Variants in CLVS2 observed in about 807,000 individuals in gnomAD.
The protein encoded by CLVS2 is clavesin-2.
In CLVS2, 19 loss-of-function variants were observed where a neutral mutation model predicts 29.0. The observed-to-expected ratio is 0.66, with a 90% CI of 0.46 to 0.96. The LOEUF (loss-of-function observed/expected upper bound fraction) is 0.96. Ranked by LOEUF, CLVS2 falls within the 40% of genes least tolerant of loss-of-function variation. The probability of loss-of-function intolerance (pLI) is 0.00; values close to 1 mark genes in which losing one functional copy is unlikely to be tolerated. For synonymous variants in CLVS2, 161 were observed against 151.3 expected, an observed-to-expected ratio of 1.06 and a Z score of -0.47; for missense variants, 294 against 404.1, an observed-to-expected ratio of 0.73 and a Z score of 2.34.
At chr6:123,056,407 C>G (rs1772693953) in intron 5 of CLVS2, among the ~76,000 whole-genome samples, 2 of 152,162 alleles carry the variant, frequency 1.3e-5, no homozygotes, top group African/African-American at 2.4e-5. Flanking sequence ...TGCTTGGTAA[C>G]CACCATTCTA....
intron 3 of CLVS2, among the ~76,000 whole-genome samples, chr6:123,024,199 C>T (rs1774965626): frequency 6.6e-6 from 1 of 152,070 alleles, no homozygotes; most frequent in Non-Finnish European, 1.5e-5. Flanking sequence ...GGTAGTTTTT[C>T]CCTTAGAAGT....
intron 3 of CLVS2, among the ~76,000 whole-genome samples, chr6:123,033,651 G>T (rs1775112174): frequency 6.6e-6 from 1 of 151,850 alleles, no homozygotes; most frequent in African/African-American, 2.4e-5. Context: ...ATCTATGGCT[G>T]GGCAAAGAGT....
rs1385792079 is a variant in CLVS2, at chr6:123,071,338, G to T, written c.*7577G>T. Reference sequence around the variant, plus strand: ...TACCCTCTCATGATAATAGAATCATGAATCAAAAATGATATCCTCTTCTCC... The same window carrying T: ...TACCCTCTCATGATAATAGAATCATTAATCAAAAATGATATCCTCTTCTCC... On this transcript the variant is annotated 3_prime_UTR_variant, in exon 6 of 6. Coordinates refer to ENST00000275162, the MANE Select transcript of CLVS2 (RefSeq NM_001010852.4). 1 of 151,970 alleles carries T rather than the reference G, an allele frequency of 6.6e-6. No homozygotes were observed. Among genetic ancestry groups the T allele is most frequent in the African/African-American group, 2.4e-5 (1 of 41,408 alleles). The allele number at this position is 151,970 out of a possible 1,614,324, so 9.4% of individuals were successfully genotyped here. A position where few individuals can be genotyped will look rare whatever the true frequency, so the allele number is the denominator to read the frequency against.
At chr6:123,021,449 T>C (rs979225658) in intron 3 of CLVS2, among the ~76,000 whole-genome samples, 2 of 152,176 alleles carry the variant, frequency 1.3e-5, no homozygotes, top group Admixed American at 6.6e-5. Context: ...TTATTATTTT[T>C]TCCTCTGATT....
intron 3 of CLVS2, among the ~76,000 whole-genome samples, chr6:123,022,860 C>T (rs1373397426): frequency 6.6e-6 from 1 of 152,034 alleles, no homozygotes; most frequent in Non-Finnish European, 1.5e-5. Context: ...GCACATTCTG[C>T]CTCACATAGA....
chr6:123,040,414 T>C (rs573156584), intron 3 of CLVS2, among the ~76,000 whole-genome samples: 123 of 152,296 alleles, frequency 8.1e-4, no homozygotes, highest in Non-Finnish European at 1.4e-3. Context: ...TGTTATAGAT[T>C]ATTTCAGTAC....
At position 123,066,068 on chromosome 6, in the gene CLVS2, A is replaced by C. The variant is rs751242654; in HGVS notation, c.*2307A>C. 1 of 151,768 alleles carries C rather than the reference A, an allele frequency of 6.6e-6. No homozygotes were observed. The highest frequency in any genetic ancestry group is 1.5e-5 in the Non-Finnish European group (1 of 67,752). 9.4% of individuals were successfully genotyped at this position (151,768 alleles called of 1,614,324 possible). On this transcript the variant is annotated 3_prime_UTR_variant, in exon 6 of 6. Transcript: ENST00000275162. ...TAAAATATTTTAAAATGAATGAACAAATTACAATGATGATGCCTTTTGAAA... is the reference window on the plus strand; with the variant it reads ...TAAAATATTTTAAAATGAATGAACACATTACAATGATGATGCCTTTTGAAA...
chr6:123,033,060 G>T (rs1333973721), intron 3 of CLVS2, among the ~76,000 whole-genome samples: 3 of 151,670 alleles, frequency 2.0e-5, no homozygotes, highest in East Asian at 3.9e-4. Flanking sequence ...TCAGGTGTAT[G>T]GTTTATCATT....
At chr6:123,040,891 CAG>C (rs1198367156) in intron 3 of CLVS2, among the ~76,000 whole-genome samples, 1 of 152,062 alleles carries the variant, frequency 6.6e-6, no homozygotes, top group African/African-American at 2.4e-5. Context: ...CAGTTTTTTT[CAG>C]AGTTTAAAAA....
At chr6:123,004,950 CAA>C (rs61607272) in intron 2 of CLVS2, among the ~76,000 whole-genome samples, 45,719 of 148,382 alleles carry the variant, frequency 0.31, 7,799 homozygotes, top group East Asian at 0.7. Flanking sequence ...AAACAAAAAA[CAA>C]AAAAAAAAAA....
intron 3 of CLVS2, among the ~76,000 whole-genome samples, chr6:123,045,610 C>A (rs943924815): frequency 6.6e-6 from 1 of 152,194 alleles, no homozygotes; most frequent in African/African-American, 2.4e-5. Context: ...AGAACTCTCC[C>A]ATTTAGAATG....
chr6:123,000,557 A>T (rs555580476), intron 2 of CLVS2, among the ~76,000 whole-genome samples: 1 of 152,272 alleles, frequency 6.6e-6, no homozygotes, highest in African/African-American at 2.4e-5. Context: ...TCTACCCCGA[A>T]GGCTCCTTGA....
chr6:123,063,291 T>C (rs565102844), intron 5 of CLVS2, among the ~76,000 whole-genome samples: 103 of 152,274 alleles, frequency 6.8e-4, no homozygotes, highest in African/African-American at 2.0e-3. Context: ...TAGTTTATCA[T>C]AATAATCATT....
intron 3 of CLVS2, among the ~76,000 whole-genome samples, chr6:123,020,998 C>T (rs549821042): frequency 2.6e-4 from 39 of 149,990 alleles, no homozygotes; most frequent in Non-Finnish European, 5.2e-4. Context: ...TCTTTTGTTT[C>T]GTTAGACTCA....
At chr6:123,031,678 G>A (rs936136110) in intron 3 of CLVS2, among the ~76,000 whole-genome samples, 3 of 152,098 alleles carry the variant, frequency 2.0e-5, no homozygotes, top group African/African-American at 7.2e-5. Context: ...ATAGAGCTGG[G>A]GGAAAAAGAA....
intron 2 of CLVS2, among the ~76,000 whole-genome samples, chr6:123,005,456 G>T (rs977395100): frequency 6.6e-6 from 1 of 152,152 alleles, no homozygotes; most frequent in Non-Finnish European, 1.5e-5. Flanking sequence ...ATTTAATAAT[G>T]GCTGATTGAT....
At chr6:123,024,033 C>T (rs926713184) in intron 3 of CLVS2, among the ~76,000 whole-genome samples, 1 of 152,070 alleles carries the variant, frequency 6.6e-6, no homozygotes, top group African/African-American at 2.4e-5. Context: ...AGAAGATGAA[C>T]CCTTCAGGCT....
At chr6:123,003,835 T>C (rs139598472) in intron 2 of CLVS2, among the ~76,000 whole-genome samples, 1 of 152,218 alleles carries the variant, frequency 6.6e-6, no homozygotes, top group African/African-American at 2.4e-5. Flanking sequence ...CTTGGTTAAC[T>C]GAATTCAACA....
chr6:122,999,908 C>G (rs1774564125), intron 2 of CLVS2, among the ~76,000 whole-genome samples: 1 of 152,040 alleles, frequency 6.6e-6, no homozygotes, highest in Non-Finnish European at 1.5e-5. Flanking sequence ...AGATGAAAGT[C>G]ACTTATAGTT....
Sources: allele counts gnomAD v4.1 joint callset (sites outside exome capture counted in the v4.1 genomes callset), GRCh38; gene constraint gnomAD v4.1.1; transcripts MANE v1.5; gene names NCBI Gene and HGNC (gene_info 2026-07-23, HGNC 2026-07-21).